Variants in COL7A1 observed in about 807,000 individuals in gnomAD.
The protein encoded by COL7A1 is collagen type VII alpha 1 chain.
Under a neutral mutation model 456.2 loss-of-function variants are expected in COL7A1, and 296 were observed. That is an observed-to-expected ratio of 0.65 (90% CI 0.59 to 0.71). The LOEUF (loss-of-function observed/expected upper bound fraction) is 0.71. Among genes scored for constraint, COL7A1 ranks in the 30% least tolerant of loss-of-function variants. COL7A1 has a pLI of 0.00. For synonymous variants in COL7A1, 1,464 were observed against 1,525.9 expected (o/e 0.96, Z 0.95); for missense variants, 3,441 against 4,017.2 (o/e 0.86, Z 3.88).
chr3:48,570,741 G>C lies in COL7A1; in HGVS notation c.7273-31C>G. ...AGAAAAATGGGGCAAGAGAGGCAGAGAGTGACTTGGGAACCCTCCTACCCT... is the reference window on the plus strand; with the variant it reads ...AGAAAAATGGGGCAAGAGAGGCAGACAGTGACTTGGGAACCCTCCTACCCT... On this transcript the variant is annotated intron_variant, in intron 95 of 118. Coordinates refer to ENST00000681320, the MANE Select transcript of COL7A1 (RefSeq NM_000094.4). The surrounding 1 kb of genome is among the most constrained non-coding windows in gnomAD (Gnocchi z 5.5). 6.4e-7 allele frequency: 1 copy of C among 1,561,564 alleles called. No homozygotes were observed. Among genetic ancestry groups the C allele is most frequent in the Non-Finnish European group, 8.7e-7 (1 of 1,152,038 alleles).
Position 48,568,106 on chromosome 3 carries a change from CCCATGAAG to C in COL7A1, c.7851_7858del (p.Phe2618SerfsTer7), listed in dbSNP as rs2043688806. On this transcript the variant is annotated frameshift_variant, in exon 106 of 119. Coordinates refer to ENST00000681320, the MANE Select transcript of COL7A1 (RefSeq NM_000094.4). LOFTEE classifies it high-confidence loss of function. The surrounding 1 kb of genome is among the most constrained non-coding windows in gnomAD (Gnocchi z 5.2). ...CTTTCCTACCTTGAGGCCCCGGGGA[CCCATGAAG>C]CCAACATCTCCTTTTTCTCCTCGGA... 1 of 1,614,082 alleles carries C rather than the reference CCCATGAAG, an allele frequency of 6.2e-7. No homozygotes were observed. The highest frequency in any genetic ancestry group is 1.7e-5 in the Admixed American group (1 of 60,006).
Position 48,566,561 on chromosome 3 carries a change from C to T in COL7A1, c.8307G>A (p.Gly2769=). Residue 2769 remains glycine (G), a splice_region_variant and synonymous_variant, in exon 113 of 119, where the codon GGG becomes GGA. Coordinates refer to ENST00000681320, the MANE Select transcript of COL7A1 (RefSeq NM_000094.4). This position sits in a 1 kb window ranked among gnomAD's most constrained non-coding sequence, Gnocchi z 5.9. ...PGAPGERGEQ[G]RPGPAGPRGE... ...CTCGAGGACCGGCAGGCCCTGGCCGCCCCTATGTGCAACAGATGGGACCAG... is the reference window on the plus strand; with the variant it reads ...CTCGAGGACCGGCAGGCCCTGGCCGTCCCTATGTGCAACAGATGGGACCAG... 1 of 1,614,166 alleles carries T rather than the reference C, an allele frequency of 6.2e-7. No homozygotes were observed. The highest frequency in any genetic ancestry group is 8.5e-7 in the Non-Finnish European group (1 of 1,180,020).
chr3:48,579,564 C>A lies in COL7A1; in HGVS notation c.5235+24G>T. The A allele has an allele frequency of 6.2e-7, 1 of 1,613,818 alleles. No individual in the cohort carries two copies. ...CAGAGCAGGCCCTCCCATGCCTGCA[C>A]CCCCGAGGACCAATCACACTCACCC... On this transcript the variant is annotated intron_variant, in intron 59 of 118. Coordinates refer to ENST00000681320, the MANE Select transcript of COL7A1 (RefSeq NM_000094.4). The surrounding 1 kb of genome is among the most constrained non-coding windows in gnomAD (Gnocchi z 4.4).
intron 47 of COL7A1, 143 bp from the exon 48 acceptor site, chr3:48,582,086 G>C: frequency 1.3e-5 from 18 of 1,345,654 alleles, no homozygotes; most frequent in Non-Finnish European, 1.9e-5. Context: ...GCTGACAGCA[G>C]GGAAGGGGTT....
Position 48,569,672 on chromosome 3 carries a change from A to G in COL7A1, c.7558-24T>C, listed in dbSNP as rs2107642693. On this transcript the variant is annotated intron_variant, in intron 101 of 118. Coordinates refer to ENST00000681320, the MANE Select transcript of COL7A1 (RefSeq NM_000094.4). This position sits in a 1 kb window ranked among gnomAD's most constrained non-coding sequence, Gnocchi z 4.9. ...CCCTGAGGGGGCAGGCAGGAATCAG[A>G]GGAGTCGGGAGCACCCTGGCCCCTG... 9.3e-6 allele frequency: 15 copies of G among 1,614,046 alleles called. No homozygotes were observed. The highest frequency in any genetic ancestry group is 1.3e-5 in the Non-Finnish European group (15 of 1,179,982).
intron 47 of COL7A1, among the ~76,000 whole-genome samples, 187 bp from the exon 48 acceptor site, chr3:48,582,130 C>T (rs1310441152): frequency 6.6e-6 from 1 of 152,190 alleles, no homozygotes; most frequent in Non-Finnish European, 1.5e-5. Context: ...AGCTCATGAC[C>T]TGCATGGCGG....
chr3:48,570,295 G>A lies in COL7A1; in HGVS notation c.7420C>T (p.Arg2474Cys), dbSNP rs939213328. 12 of 1,613,950 alleles carry A rather than the reference G, an allele frequency of 7.4e-6. No individual in the cohort carries two copies. The highest frequency in any genetic ancestry group is 2.2e-5 in the South Asian group (2 of 91,086). ...GVGLPGPRGE[R>C]GEPGIRGEDG... ...CGTACCCGGATGCCTGGCTCCCCAC[G>A]CTCGCCTCGGGGCCCAGGCAGCCCT... Residue 2474 changes from arginine to cysteine, a missense_variant, in exon 98 of 119, where the codon CGT (arginine) becomes TGT (cysteine). Physicochemically the swap from Arg to Cys is radical, Grantham distance 180. This residue lies in a region of COL7A1 where 2,084 missense variants were observed against 2,501.3 expected (regional missense o/e 0.83). Transcript: ENST00000681320. The surrounding 1 kb of genome is among the most constrained non-coding windows in gnomAD (Gnocchi z 5.5).
chr3:48,586,949 A>G lies in COL7A1; in HGVS notation c.3276+23T>C, dbSNP rs1223663751. The G allele has an allele frequency of 6.3e-7, 1 of 1,575,296 alleles. No homozygotes were observed. Among genetic ancestry groups the G allele is most frequent in the Non-Finnish European group, 8.6e-7 (1 of 1,160,454 alleles). On this transcript the variant is annotated intron_variant, in intron 25 of 118. Transcript: ENST00000681320. This position sits in a 1 kb window ranked among gnomAD's most constrained non-coding sequence, Gnocchi z 5.1. Reference sequence around the variant, plus strand: ...GTGGGGGGCCTCAGGGAGAGGTAGAATCTGGCTGCCCCAGGGCCAAACCTG... The same window carrying G: ...GTGGGGGGCCTCAGGGAGAGGTAGAGTCTGGCTGCCCCAGGGCCAAACCTG...
rs1430281746 is a variant in COL7A1, at chr3:48,569,350, G to A, written c.7686+25C>T. ...CACCACAGCCACAGGACCCCACAGA[G>A]AGTACACCACCCTCTTCCCTGTACC... On this transcript the variant is annotated intron_variant, in intron 103 of 118. Transcript: ENST00000681320. This position sits in a 1 kb window ranked among gnomAD's most constrained non-coding sequence, Gnocchi z 4.9. The A allele has an allele frequency of 1.2e-6, 2 of 1,613,396 alleles. No homozygotes were observed. The highest frequency in any genetic ancestry group is 2.7e-5 in the African/African-American group (2 of 74,864).
chr3:48,565,366 C>G lies in COL7A1; in HGVS notation c.8527+44G>C, dbSNP rs1488390088. The G allele has an allele frequency of 6.4e-7, 1 of 1,570,422 alleles. No homozygotes were observed. On this transcript the variant is annotated intron_variant, in intron 116 of 118. Coordinates refer to ENST00000681320, the MANE Select transcript of COL7A1 (RefSeq NM_000094.4). The surrounding 1 kb of genome is among the most constrained non-coding windows in gnomAD (Gnocchi z 4.5). Reference sequence around the variant, plus strand: ...CATTCATGGACACCCATGTGCGTGTCTCGGCCCCACCCATAGCTGCCCCAC... The same window carrying G: ...CATTCATGGACACCCATGTGCGTGTGTCGGCCCCACCCATAGCTGCCCCAC...
In COL7A1 at chr3:48,566,232, G is replaced by A. The variant is rs1342202948; in HGVS notation, c.8407+35C>T. The A allele has an allele frequency of 5.7e-6, 9 of 1,584,624 alleles. No homozygotes were observed. The highest frequency in any genetic ancestry group is 7.7e-6 in the Non-Finnish European group (9 of 1,166,312). On this transcript the variant is annotated intron_variant, in intron 114 of 118. Coordinates refer to ENST00000681320, the MANE Select transcript of COL7A1 (RefSeq NM_000094.4). This position sits in a 1 kb window ranked among gnomAD's most constrained non-coding sequence, Gnocchi z 5.9. ...GCCTGCCCTTGCCTAGGGTGCTGGG[G>A]TGGAGTGGGAGACTGCGGGCTGGGC...
In COL7A1 at chr3:48,575,586, C is replaced by A. The variant is rs1335953463; in HGVS notation, c.5979+40G>T. 6.2e-7 allele frequency: 1 copy of A among 1,612,640 alleles called. No homozygotes were observed. The highest frequency in any genetic ancestry group is 1.1e-5 in the South Asian group (1 of 91,090). On this transcript the variant is annotated intron_variant, in intron 73 of 118. Coordinates refer to ENST00000681320, the MANE Select transcript of COL7A1 (RefSeq NM_000094.4). The surrounding 1 kb of genome is among the most constrained non-coding windows in gnomAD (Gnocchi z 6.3). ...TGCTGGTGGCTGTACAGCTACACCC[C>A]ACTCCACGGGGCACAACCCACTGAG...
rs748987351 is a variant in COL7A1, at chr3:48,589,374, T to A, written c.2267A>T (p.His756Leu). The change falls in exon 18 of 119, where the codon CAT becomes CTT. Residue 756 changes from histidine (H) to leucine (L), a missense_variant. Coordinates refer to ENST00000681320, the MANE Select transcript of COL7A1 (RefSeq NM_000094.4). ...AGGGGGCCCATCCACGCCAGCCACA[T>A]GGGCCCTCACATGCACCGTATACTC... The part of the protein sequence containing the change: ...DTEYTVHVRA[H>L]VAGVDGPPAS... The A allele has an allele frequency of 1.2e-6, 2 of 1,613,026 alleles. No individual in the cohort carries two copies. The highest frequency in any genetic ancestry group is 2.2e-5 in the South Asian group (2 of 91,064).
chr3:48,594,188 G>T lies in COL7A1; in HGVS notation c.266+180C>A, dbSNP rs867204076. Among the ~76,000 whole-genome samples, 1 of 152,222 alleles carries T rather than the reference G, an allele frequency of 6.6e-6. No individual in the cohort carries two copies. Among genetic ancestry groups the T allele is most frequent in the Non-Finnish European group, 1.5e-5 (1 of 68,024 alleles). On this transcript the variant is annotated intron_variant, in intron 3 of 118. Transcript: ENST00000681320. The surrounding 1 kb of genome is among the most constrained non-coding windows in gnomAD (Gnocchi z 5.5). ...CCTGGAGGTGCCTCAGGGCACGAAGGTTCTACCTAGGGAATCCTTACCTCT... is the reference window on the plus strand; with the variant it reads ...CCTGGAGGTGCCTCAGGGCACGAAGTTTCTACCTAGGGAATCCTTACCTCT...
Position 48,578,220 on chromosome 3 carries a change from G to T in COL7A1, c.5532+101C>A. ...TCTGTATGTCTGGGCCAGGATGCAT[G>T]TGTCTACACGTGTGCCTCATGTGTT... On this transcript the variant is annotated intron_variant, in intron 65 of 118. Transcript: ENST00000681320. The surrounding 1 kb of genome is among the most constrained non-coding windows in gnomAD (Gnocchi z 4.7). 7.5e-7 allele frequency: 1 copy of T among 1,341,588 alleles called. No individual in the cohort carries two copies. Among genetic ancestry groups the T allele is most frequent in the Non-Finnish European group, 1.1e-6 (1 of 944,588 alleles). The allele number at this position is 1,341,588 out of a possible 1,614,324, so 83.1% of individuals were successfully genotyped here.
chr3:48,566,917 T>G lies in COL7A1; in HGVS notation c.8216A>C (p.Gln2739Pro), dbSNP rs771892535. Residue 2739 changes from glutamine (Q) to proline (P), a missense_variant, in exon 111 of 119, where the codon CAG (glutamine) becomes CCG (proline). Transcript: ENST00000681320. The surrounding 1 kb of genome is among the most constrained non-coding windows in gnomAD (Gnocchi z 5.9). ...GCTGGGGCCCCTTACCTTCTGGCCC[T>G]GAAGTCCTTCGGGGCCTCTGGGACC... ...SVGPRGPEGL[Q>P]GQKGERGPPG... is the part of the protein sequence containing the mutation. The G allele has an allele frequency of 4.4e-6, 7 of 1,604,612 alleles. No individual in the cohort carries two copies. The South Asian group carries it at 7.7e-5, about 18-fold the overall frequency.
Position 48,588,070 on chromosome 3 carries a change from TGACCCTGCCCACTTTACG to T in COL7A1, c.2711-149_2711-132del, listed in dbSNP as rs1486397937. 2 of 1,337,130 alleles carry T rather than the reference TGACCCTGCCCACTTTACG, an allele frequency of 1.5e-6. No homozygotes were observed. Among genetic ancestry groups the T allele is most frequent in the South Asian group, 1.3e-5 (1 of 74,314 alleles). 82.8% of individuals were successfully genotyped at this position (1,337,130 alleles called of 1,614,324 possible). ...CCTGACTGATCTTCCTCATCCTCAC[TGACCCTGCCCACTTTACG>T]GACCCTGCCAGACTGACCCTCCATG... On this transcript the variant is annotated intron_variant, in intron 21 of 118. Transcript: ENST00000681320. The surrounding 1 kb of genome is among the most constrained non-coding windows in gnomAD (Gnocchi z 4.6).
At position 48,568,158 on chromosome 3, in the gene COL7A1, T is replaced by C; in HGVS notation, c.7807A>G (p.Lys2603Glu). Residue 2603 changes from lysine to glutamate, a missense_variant, in exon 106 of 119, where the codon AAG (lysine) becomes GAG (glutamate). Around this residue, in one of 3 missense-constraint regions of COL7A1, gnomAD observed 2,084 missense variants for 2,501.3 expected, o/e 0.83. Transcript: ENST00000681320. This position sits in a 1 kb window ranked among gnomAD's most constrained non-coding sequence, Gnocchi z 5.2. Reference protein sequence around the residue: ...GIPGDPGSPGKDGVPGIRGEK... With the variant: ...GIPGDPGSPGEDGVPGIRGEK... ...CCTCGGATACCAGGCACTCCATCCT[T>C]TCCTGGGGATCCCTAGCAGGGAGAG... is the stretch of plus-strand genomic sequence containing the variant. 6.2e-7 allele frequency: 1 copy of C among 1,613,768 alleles called. No homozygotes were observed.
chr3:48,594,405 C>T lies in COL7A1; in HGVS notation c.229G>A (p.Val77Met), dbSNP rs531066928. 15 of 1,611,604 alleles carry T rather than the reference C, an allele frequency of 9.3e-6. No homozygotes were observed. Among genetic ancestry groups the T allele is most frequent in the Non-Finnish European group, 1.3e-5 (15 of 1,180,036 alleles). ...PFSGAASAQG[V>M]RFATVQYSDD... ...CTGTACTGCACTGTGGCAAAGCGCA[C>T]ACCCTGTGCACTGGCTGCTCCAGAG... The change falls in exon 3 of 119, where the codon GTG (valine) becomes ATG (methionine). Residue 77 changes from valine (V) to methionine (M), a missense_variant. Val to Met is a conservative substitution (Grantham distance 21). Coordinates refer to ENST00000681320, the MANE Select transcript of COL7A1 (RefSeq NM_000094.4). The surrounding 1 kb of genome is among the most constrained non-coding windows in gnomAD (Gnocchi z 5.5).
Sources: allele counts gnomAD v4.1 joint callset (sites outside exome capture counted in the v4.1 genomes callset), GRCh38; gene constraint gnomAD v4.1.1; regional missense constraint gnomAD v4.1.1; non-coding constraint Gnocchi (gnomAD v3.1); transcripts MANE v1.5; gene names NCBI Gene and HGNC (gene_info 2026-07-23, HGNC 2026-07-21).